Variants in LRCH1 observed in about 807,000 individuals in gnomAD.
LRCH1 encodes leucine rich repeats and calponin homology domain containing 1.
In LRCH1, 23 loss-of-function variants were observed where a neutral mutation model predicts 94.9. The ratio of observed to expected loss-of-function variants is 0.24; its 90% CI spans 0.17 to 0.34. The LOEUF is 0.34. Ranked by LOEUF, LRCH1 falls within the 10% of genes least tolerant of loss-of-function variation. The pLI is 1.00. For missense variants in LRCH1, 790 were observed against 945.9 expected (o/e 0.84, Z 2.16); for synonymous variants, 364 against 354.9 (o/e 1.03, Z -0.29).
chr13:46,655,294 C>T (rs1215088858), intron 2 of LRCH1, among the ~76,000 whole-genome samples: 1 of 152,090 alleles, frequency 6.6e-6, no homozygotes, highest in Admixed American at 6.5e-5. Flanking sequence ...TTAATTAGCA[C>T]ATGAAAAAAA....
chr13:46,570,269 C>T (rs2137917568), intron 1 of LRCH1, among the ~76,000 whole-genome samples: 1 of 152,310 alleles, frequency 6.6e-6, no homozygotes, highest in Non-Finnish European at 1.5e-5. Context: ...TCTTTGCTGA[C>T]TTCTTGCAAA....
chr13:46,692,725 G>C, intron 8 of LRCH1, 84 bp downstream of exon 8: 1 of 984,176 alleles, frequency 1.0e-6, no homozygotes, highest in South Asian at 1.4e-5. Flanking sequence ...AGATAGGGCA[G>C]TGATAATCTT....
intron 1 of LRCH1, among the ~76,000 whole-genome samples, chr13:46,591,342 G>A (rs2050497439): frequency 6.6e-6 from 1 of 152,036 alleles, no homozygotes; most frequent in African/African-American, 2.4e-5. Context: ...TCAATTGTAA[G>A]GATAAACCCT....
At chr13:46,554,871 C>T (rs1374370181) in intron 1 of LRCH1, among the ~76,000 whole-genome samples, 3 of 152,220 alleles carry the variant, frequency 2.0e-5, no homozygotes, top group African/African-American at 7.2e-5. Flanking sequence ...GGCCCAGGGT[C>T]AGACCCCCTG....
chr13:46,569,022 A>G (rs968406718), intron 1 of LRCH1, among the ~76,000 whole-genome samples: 5 of 152,242 alleles, frequency 3.3e-5, no homozygotes, highest in African/African-American at 9.6e-5. Context: ...AATGCCTCCT[A>G]TTAGAAGACT....
intron 1 of LRCH1, among the ~76,000 whole-genome samples, chr13:46,580,956 G>C (rs1323350494): frequency 6.6e-6 from 1 of 152,194 alleles, no homozygotes; most frequent in Non-Finnish European, 1.5e-5. Flanking sequence ...AATACTAGTA[G>C]TGGTTGTCAT....
In LRCH1 at chr13:46,650,294, T is replaced by G; in HGVS notation, c.401T>G (p.Val134Gly). The change falls in exon 2 of 20, where the codon GTC (valine) becomes GGC (glycine). Residue 134 changes from valine to glycine, a missense_variant. By Grantham distance (109) the Val-to-Gly change is moderately radical. Transcript: ENST00000389797. ...ILNLYHNCIR[V>G]IPEAIVNLQM... is the part of the protein sequence containing the mutation. ...AATCTGTATCACAACTGTATCAGAG[T>G]CATTCCTGAGGCCATCGTTAATCTG... 1 of 1,610,900 alleles carries G rather than the reference T, an allele frequency of 6.2e-7. No homozygotes were observed. Among genetic ancestry groups the G allele is most frequent in the Non-Finnish European group, 8.5e-7 (1 of 1,178,360 alleles).
chr13:46,577,056 A>G (rs1342511389), intron 1 of LRCH1, among the ~76,000 whole-genome samples: 1 of 152,098 alleles, frequency 6.6e-6, no homozygotes, highest in Admixed American at 6.5e-5. Context: ...CAGCAGGAAA[A>G]GGTCTCTGAC....
At chr13:46,606,291 C>T (rs1232169771) in intron 1 of LRCH1, among the ~76,000 whole-genome samples, 1 of 152,032 alleles carries the variant, frequency 6.6e-6, no homozygotes, top group Non-Finnish European at 1.5e-5. Context: ...GAACATGGGT[C>T]ATTGTGGTTT....
intron 1 of LRCH1, among the ~76,000 whole-genome samples, chr13:46,602,508 C>T (rs1054433472): frequency 2.0e-4 from 31 of 152,014 alleles, no homozygotes; most frequent in African/African-American, 7.5e-4. Context: ...TTTAGCCTAA[C>T]TATGAAATTA....
chr13:46,620,956 G>A (rs2050873078), intron 1 of LRCH1, among the ~76,000 whole-genome samples: 1 of 152,060 alleles, frequency 6.6e-6, no homozygotes, highest in African/African-American at 2.4e-5. Flanking sequence ...TATTGTTTTG[G>A]GTGTCATCGT....
chr13:46,594,413 G>A (rs917247945), intron 1 of LRCH1, among the ~76,000 whole-genome samples: 12 of 152,186 alleles, frequency 7.9e-5, no homozygotes, highest in African/African-American at 2.4e-4. Context: ...TCTGCTAAGG[G>A]CTATTGACCC....
At chr13:46,580,631 T>A (rs1456912922) in intron 1 of LRCH1, among the ~76,000 whole-genome samples, 1 of 152,170 alleles carries the variant, frequency 6.6e-6, no homozygotes, top group African/African-American at 2.4e-5. Flanking sequence ...GACAAACTCT[T>A]TTGTGAGAAC....
chr13:46,676,918 C>T (rs187585791), intron 3 of LRCH1, among the ~76,000 whole-genome samples: 57 of 152,258 alleles, frequency 3.7e-4, no homozygotes, highest in Admixed American at 2.0e-3. Flanking sequence ...GCTGAAACCA[C>T]GGGTGCATGC....
At chr13:46,653,342 G>A (rs1013636683) in intron 2 of LRCH1, among the ~76,000 whole-genome samples, 14 of 152,134 alleles carry the variant, frequency 9.2e-5, no homozygotes, top group Middle Eastern at 3.4e-3. Flanking sequence ...ACTGAATCAT[G>A]TGCTCTTTGA....
intron 9 of LRCH1, among the ~76,000 whole-genome samples, chr13:46,697,278 A>G (rs1275409587): frequency 1.3e-5 from 2 of 152,170 alleles, no homozygotes; most frequent in East Asian, 1.9e-4. Flanking sequence ...GTTTTTGTCA[A>G]CCAATCAGCA....
chr13:46,631,661 A>G (rs1251573298), intron 1 of LRCH1, among the ~76,000 whole-genome samples: 1 of 152,056 alleles, frequency 6.6e-6, no homozygotes, highest in Non-Finnish European at 1.5e-5. Context: ...ATAGGGAGTC[A>G]TGTTTGGATC....
chr13:46,668,224 A>G (rs945032602), intron 2 of LRCH1, among the ~76,000 whole-genome samples: 1 of 152,090 alleles, frequency 6.6e-6, no homozygotes, highest in Admixed American at 6.6e-5. Context: ...TTATTTATCT[A>G]GTATTTTCCA....
intron 1 of LRCH1, among the ~76,000 whole-genome samples, chr13:46,602,974 G>GCATA (rs1491125291): frequency 1.5e-3 from 42 of 27,640 alleles, no homozygotes; most frequent in Non-Finnish European, 2.4e-3. Flanking sequence ...ATACATACAT[G>GCATA]CATGCATACA....
Sources: allele counts gnomAD v4.1 joint callset (sites outside exome capture counted in the v4.1 genomes callset), GRCh38; gene constraint gnomAD v4.1.1; transcripts MANE v1.5; gene names NCBI Gene and HGNC (gene_info 2026-07-23, HGNC 2026-07-21).